RCL1: variants seen among roughly 807,000 people sequenced by gnomAD.
RCL1 encodes the protein RNA terminal phosphate cyclase like 1.
RCL1 carries 24 observed loss-of-function variants against 42.4 expected under a neutral mutation model. The observed-to-expected ratio is 0.57, with a 90% CI of 0.41 to 0.80. RCL1 has a LOEUF of 0.80. RCL1 is among the 30% of genes least tolerant of loss of function. The pLI, the probability that RCL1 is intolerant of heterozygous loss-of-function variation, is 0.00. For synonymous variants in RCL1, 228 were observed against 177.3 expected, an observed-to-expected ratio of 1.29 and a Z score of -2.27; for missense variants, 578 against 467.9, an observed-to-expected ratio of 1.24 and a Z score of -2.17.
chr9:4,826,745 G>T, intron 2 of RCL1, 113 bp from the exon 3 acceptor site: 1 of 878,450 alleles, frequency 1.1e-6, no homozygotes, highest in Non-Finnish European at 1.8e-6. Context: ...GGCATTTCGA[G>T]CACTCTTGGA....
intron 8 of RCL1, chr9:4,850,429 C>G: frequency 2.4e-6 from 1 of 420,078 alleles, no homozygotes; most frequent in South Asian, 1.9e-5. Context: ...CACCCTTGGG[C>G]CATGGCGTTG....
At chr9:4,820,813 T>C (rs1816569089) in intron 1 of RCL1, among the ~76,000 whole-genome samples, 2 of 152,224 alleles carry the variant, frequency 1.3e-5, no homozygotes, top group South Asian at 4.1e-4. Context: ...AGAAATAATT[T>C]CTAATTCAAT....
intron 1 of RCL1, among the ~76,000 whole-genome samples, chr9:4,818,871 C>CAA (rs34209971): frequency 8.7e-6 from 1 of 115,156 alleles, no homozygotes; most frequent in Non-Finnish European, 1.8e-5. Context: ...GACTCTGTCT[C>CAA]AAAAAAAAAA....
At chr9:4,828,991 T>G (rs550560356) in intron 3 of RCL1, among the ~76,000 whole-genome samples, 9 of 152,328 alleles carry the variant, frequency 5.9e-5, no homozygotes, top group South Asian at 2.1e-4. Context: ...ATTTCTAGCT[T>G]CTTCTTTTCT....
At chr9:4,816,800 C>G (rs1348977465) in intron 1 of RCL1, among the ~76,000 whole-genome samples, 2 of 151,898 alleles carry the variant, frequency 1.3e-5, no homozygotes, top group African/African-American at 4.8e-5. Context: ...CTTTTTTGTG[C>G]TTTGGGTAAT....
At chr9:4,839,820 G>C (rs754454600) in intron 5 of RCL1, 6 of 982,998 alleles carry the variant, frequency 6.1e-6, no homozygotes, top group Non-Finnish European at 7.2e-6. Context: ...TCTCATTGAA[G>C]AGCAAGAACA....
At chr9:4,812,939 A>G (rs927612782) in intron 1 of RCL1, among the ~76,000 whole-genome samples, 4 of 152,158 alleles carry the variant, frequency 2.6e-5, no homozygotes, top group African/African-American at 9.7e-5. Flanking sequence ...GAACTACTGA[A>G]TTTGTTTATC....
intron 8 of RCL1, among the ~76,000 whole-genome samples, chr9:4,853,662 A>G (rs1053790242): frequency 6.6e-6 from 1 of 152,124 alleles, no homozygotes; most frequent in African/African-American, 2.4e-5. Flanking sequence ...TTCCATCCAT[A>G]TCGCTGGACT....
At chr9:4,810,539 T>C (rs916948700) in intron 1 of RCL1, among the ~76,000 whole-genome samples, 5 of 152,204 alleles carry the variant, frequency 3.3e-5, no homozygotes. Flanking sequence ...CGTCATGTTA[T>C]TCTGTTTTTT....
At chr9:4,808,092 T>A in intron 1 of RCL1, among the ~76,000 whole-genome samples, 1 of 152,168 alleles carries the variant, frequency 6.6e-6, no homozygotes. Flanking sequence ...TGCTGAGTTC[T>A]TCTTTGTCCT....
chr9:4,795,180 C>T (rs2013336), intron 1 of RCL1, among the ~76,000 whole-genome samples: 5,412 of 152,120 alleles, frequency 0.036, 186 homozygotes, highest in East Asian at 0.091. Context: ...TGGGTTCCTG[C>T]AATTCTCCTG....
chr9:4,845,980 C>T (rs1165861469), intron 7 of RCL1, among the ~76,000 whole-genome samples: 1 of 152,178 alleles, frequency 6.6e-6, no homozygotes, highest in Non-Finnish European at 1.5e-5. Flanking sequence ...ATCAGTAAAA[C>T]AGGTAAAGTG....
At position 4,802,074 on chromosome 9, in the gene RCL1, A is replaced by AT. The variant is rs34756856; in HGVS notation, c.136+8870dup. On this transcript the variant is annotated intron_variant, in intron 1 of 8. Transcript: ENST00000381750. ...TAGGTGTGTGCCACCACGCCTGGCT[A>AT]TTTTTTTTTTTTTTTTTTTTTTTGT... Among the ~76,000 whole-genome samples, 533 of 95,452 alleles carry AT rather than the reference A, an allele frequency of 5.6e-3. 5 individuals carry two copies. The highest frequency in any genetic ancestry group is 0.027 in the South Asian group (75 of 2,758). The allele number at this position is 95,452 out of a possible 152,430, so 62.6% of individuals were successfully genotyped here.
chr9:4,834,250 G>T lies in RCL1; in HGVS notation c.569G>T (p.Arg190Leu), dbSNP rs1346191885. 4 of 1,612,382 alleles carry T rather than the reference G, an allele frequency of 2.5e-6. No homozygotes were observed. Among genetic ancestry groups the T allele is most frequent in the African/African-American group, 1.3e-5 (1 of 74,828 alleles). The change falls in exon 5 of 9, where the codon CGT becomes CTT. Residue 190 changes from arginine to leucine, a missense_variant. Coordinates refer to ENST00000381750, the MANE Select transcript of RCL1 (RefSeq NM_005772.5). The part of the protein sequence containing the change: ...IQLTDPGKIK[R>L]IRGMAYSVRV... ...CTCACAGATCCAGGAAAAATCAAAC[G>T]TATTAGAGGAATGGCGTATCCTTTC...
intron 3 of RCL1, among the ~76,000 whole-genome samples, chr9:4,828,679 G>A (rs1463738881): frequency 2.0e-5 from 3 of 151,986 alleles, no homozygotes; most frequent in African/African-American, 4.8e-5. Context: ...GCCCTGAAGT[G>A]TACAGCAGTG....
At chr9:4,819,381 G>C (rs1816504406) in intron 1 of RCL1, among the ~76,000 whole-genome samples, 1 of 152,176 alleles carries the variant, frequency 6.6e-6, no homozygotes, top group African/African-American at 2.4e-5. Flanking sequence ...GAGAATCTTT[G>C]AATTAAACAG....
chr9:4,854,703 C>T (rs1042044711), intron 8 of RCL1, among the ~76,000 whole-genome samples: 1 of 152,186 alleles, frequency 6.6e-6, no homozygotes, highest in Admixed American at 6.5e-5. Context: ...CCCATGACCA[C>T]AAGCCTCATG....
intron 3 of RCL1, among the ~76,000 whole-genome samples, chr9:4,831,386 A>G (rs1285120834): frequency 6.7e-6 from 1 of 150,348 alleles, no homozygotes; most frequent in East Asian, 1.9e-4. Flanking sequence ...TCAGAATCTG[A>G]CTTGGCCTTC....
At chr9:4,798,989 T>C (rs1842955900) in intron 1 of RCL1, among the ~76,000 whole-genome samples, 1 of 151,176 alleles carries the variant, frequency 6.6e-6, no homozygotes, top group Non-Finnish European at 1.5e-5. Flanking sequence ...TCTTTTCTTT[T>C]CTTTTCCTCT....
Sources: gnomAD v4.1 joint callset for allele counts (sites outside exome capture counted in the v4.1 genomes callset) on GRCh38, gnomAD v4.1.1 for gene constraint, MANE v1.5 for transcripts, NCBI Gene and HGNC (gene_info 2026-07-23, HGNC 2026-07-21) for gene names.